The following RORB variants were observed in gnomAD, a reference collection of about 807,000 sequenced individuals.
RORB encodes the protein nuclear receptor ROR-beta.
Under a neutral mutation model 59.1 loss-of-function variants are expected in RORB, and 6 were observed. The observed-to-expected ratio is 0.10, with a 90% CI of 0.06 to 0.20. RORB has a LOEUF of 0.20. Ranked by LOEUF, RORB falls within the 10% of genes least tolerant of loss-of-function variation. RORB has a pLI of 1.00. For synonymous variants in RORB, 215 were observed against 204.5 expected (o/e 1.05, Z -0.44); for missense variants, 320 against 560.5 (o/e 0.57, Z 4.33).
chr9:74,590,290 G>A (rs1372956707), intron 1 of RORB, among the ~76,000 whole-genome samples: 1 of 152,202 alleles, frequency 6.6e-6, no homozygotes, highest in Non-Finnish European at 1.5e-5. Context: ...CTGGTGCACA[G>A]TAAGCTCTCA....
chr9:74,514,807 A>G (rs1825985706), intron 1 of RORB, among the ~76,000 whole-genome samples: 1 of 151,586 alleles, frequency 6.6e-6, no homozygotes, highest in African/African-American at 2.4e-5. Context: ...CACAGTTACT[A>G]GAATGAAGCT....
intron 3 of RORB, 143 bp from the exon 4 acceptor site, chr9:74,642,271 A>G (rs1441135843): frequency 1.4e-5 from 11 of 805,554 alleles, no homozygotes; most frequent in Non-Finnish European, 2.0e-5. Flanking sequence ...GTGGAGTGCA[A>G]ATGAATGGGT....
At chr9:74,625,080 C>T (rs563965060) in intron 1 of RORB, among the ~76,000 whole-genome samples, 1 of 152,168 alleles carries the variant, frequency 6.6e-6, no homozygotes, top group East Asian at 1.9e-4. Context: ...AAGTATAGCC[C>T]CAAACCAAAA....
Position 74,575,172 on chromosome 9 carries a change from G to A in RORB, c.8-55110G>A, listed in dbSNP as rs1256332944. On this transcript the variant is annotated intron_variant, in intron 1 of 9. Transcript: ENST00000376896. Reference sequence around the variant, plus strand: ...CAAGACTATCGTTTTATGCCCAGACGTGTAACAAATCACATTGTTTACTCT... The same window carrying A: ...CAAGACTATCGTTTTATGCCCAGACATGTAACAAATCACATTGTTTACTCT... Among the ~76,000 whole-genome samples, 10 of 152,162 alleles carry A rather than the reference G, an allele frequency of 6.6e-5. No individual in the cohort carries two copies. In the East Asian group the frequency reaches 7.7e-4, roughly 12 times the overall value.
At chr9:74,604,797 C>G (rs1315099873) in intron 1 of RORB, among the ~76,000 whole-genome samples, 4 of 152,114 alleles carry the variant, frequency 2.6e-5, no homozygotes, top group Admixed American at 2.6e-4. Flanking sequence ...TGTTGACCCC[C>G]AAAGCAGCTA....
At chr9:74,680,095 G>C (rs1824522179) in intron 9 of RORB, among the ~76,000 whole-genome samples, 1 of 152,104 alleles carries the variant, frequency 6.6e-6, no homozygotes, top group African/African-American at 2.4e-5. Flanking sequence ...GAGCGAGACT[G>C]TGTCTCTAAA....
At chr9:74,558,976 C>A (rs1213083771) in intron 1 of RORB, among the ~76,000 whole-genome samples, 2 of 152,094 alleles carry the variant, frequency 1.3e-5, no homozygotes, top group Admixed American at 6.6e-5. Flanking sequence ...TTGCTACCAA[C>A]AATTATGAAA....
At chr9:74,504,175 G>A (rs903657176) in intron 1 of RORB, among the ~76,000 whole-genome samples, 2 of 151,872 alleles carry the variant, frequency 1.3e-5, no homozygotes, top group East Asian at 1.9e-4. Flanking sequence ...CATATCTGAG[G>A]AGCAAGAATT....
intron 1 of RORB, among the ~76,000 whole-genome samples, chr9:74,588,304 A>G (rs1296528196): frequency 6.6e-6 from 1 of 152,132 alleles, no homozygotes; most frequent in East Asian, 1.9e-4. Flanking sequence ...ATATTCTTTA[A>G]CTATAAGACA....
intron 1 of RORB, among the ~76,000 whole-genome samples, chr9:74,588,707 T>G (rs1427921395): frequency 6.6e-6 from 1 of 152,206 alleles, no homozygotes; most frequent in Non-Finnish European, 1.5e-5. Flanking sequence ...CATGAAATAG[T>G]ATATTCATTA....
At chr9:74,565,115 G>A (rs1200489696) in intron 1 of RORB, among the ~76,000 whole-genome samples, 3 of 152,144 alleles carry the variant, frequency 2.0e-5, no homozygotes, top group African/African-American at 4.8e-5. Flanking sequence ...TCTGTCAGTG[G>A]TGGTTCCTAT....
At chr9:74,647,502 G>A (rs1231341060) in intron 4 of RORB, among the ~76,000 whole-genome samples, 1 of 152,060 alleles carries the variant, frequency 6.6e-6, no homozygotes. Context: ...ACATCACCAT[G>A]GTTTGCTCTT....
chr9:74,617,356 TATA>T (rs1823330200), intron 1 of RORB, among the ~76,000 whole-genome samples: 1 of 152,184 alleles, frequency 6.6e-6, no homozygotes, highest in Non-Finnish European at 1.5e-5. Context: ...ATTTGAAAAT[TATA>T]ATGTTATTTC....
At chr9:74,525,255 T>C (rs1826140879) in intron 1 of RORB, among the ~76,000 whole-genome samples, 1 of 151,906 alleles carries the variant, frequency 6.6e-6, no homozygotes, top group South Asian at 2.1e-4. Flanking sequence ...AAGAAAAATA[T>C]AGAGGTTATA....
At chr9:74,568,218 A>C (rs1450057067) in intron 1 of RORB, among the ~76,000 whole-genome samples, 1 of 152,196 alleles carries the variant, frequency 6.6e-6, no homozygotes, top group African/African-American at 2.4e-5. Flanking sequence ...ATTCAGGTGA[A>C]AAGTATTTTG....
At chr9:74,509,415 G>C (rs1825906222) in intron 1 of RORB, among the ~76,000 whole-genome samples, 1 of 151,826 alleles carries the variant, frequency 6.6e-6, no homozygotes, top group Non-Finnish European at 1.5e-5. Flanking sequence ...GCATATTTAT[G>C]GATTTTTTTC....
At chr9:74,673,290 T>C (rs561505626) in intron 9 of RORB, among the ~76,000 whole-genome samples, 2 of 152,266 alleles carry the variant, frequency 1.3e-5, no homozygotes, top group East Asian at 1.9e-4. Context: ...TGTGGAGGGA[T>C]GTTGTCTGCA....
At chr9:74,609,972 T>C (rs968021344) in intron 1 of RORB, among the ~76,000 whole-genome samples, 1 of 152,148 alleles carries the variant, frequency 6.6e-6, no homozygotes, top group Non-Finnish European at 1.5e-5. Context: ...GCCCAAAATA[T>C]CAATGACAAG....
chr9:74,666,847 A>G (rs1824276876), intron 7 of RORB, among the ~76,000 whole-genome samples: 1 of 152,232 alleles, frequency 6.6e-6, no homozygotes, highest in Admixed American at 6.5e-5. Flanking sequence ...AGTGCATGGC[A>G]TGGTAGGAAG....
Sources: gnomAD v4.1 joint callset for allele counts (sites outside exome capture counted in the v4.1 genomes callset) on GRCh38, gnomAD v4.1.1 for gene constraint, MANE v1.5 for transcripts, NCBI Gene and HGNC (gene_info 2026-07-23, HGNC 2026-07-21) for gene names.